The following SIPA1L3 variants were observed in gnomAD, a reference collection of about 807,000 sequenced individuals.
SIPA1L3 encodes signal-induced proliferation-associated 1-like protein 3.
In SIPA1L3, 59 loss-of-function variants were observed where a neutral mutation model predicts 150.1. The observed-to-expected ratio is 0.39, with a 90% CI of 0.32 to 0.49. The LOEUF is 0.49. SIPA1L3 is among the 20% of genes least tolerant of loss of function. The pLI, the probability that SIPA1L3 is intolerant of heterozygous loss-of-function variation, is 0.86. For missense variants in SIPA1L3, 2,211 were observed against 2,489.5 expected (o/e 0.89, Z 2.38); for synonymous variants, 1,070 against 1,077.6 (o/e 0.99, Z 0.14).
At chr19:38,117,097 A>G (rs1033931529) in intron 8 of SIPA1L3, among the ~76,000 whole-genome samples, 3 of 152,132 alleles carry the variant, frequency 2.0e-5, no homozygotes, top group Non-Finnish European at 2.9e-5. Context: ...AGAAGCCTCG[A>G]TGGGTTGAGA....
At position 38,182,499 on chromosome 19, in the gene SIPA1L3, CT is replaced by C; in HGVS notation, c.4209-17del. On this transcript the variant is annotated intron_variant, in intron 15 of 21. Transcript: ENST00000222345. ...GGAATGGATTTGGTTTTTTTTATCT[CT>C]TTCATTTTTGCTTTGCAGTGACATG... is the stretch of plus-strand genomic sequence containing the variant. 1 of 1,564,078 alleles carries C rather than the reference CT, an allele frequency of 6.4e-7. No homozygotes were observed. Among genetic ancestry groups the C allele is most frequent in the Non-Finnish European group, 8.7e-7 (1 of 1,149,204 alleles).
rs1568535652 is a variant in SIPA1L3 at position 38,077,665 on chromosome 19, T to TC, written c.-310-3591_-310-3590insC. Among the ~76,000 whole-genome samples the TC allele has an allele frequency of 6.0e-5, 4 of 66,832 alleles. 1 individual carries two copies. The highest frequency in any genetic ancestry group is 8.2e-5 in the African/African-American group (1 of 12,184). 43.8% of individuals were successfully genotyped at this position (66,832 alleles called of 152,430 possible). ...TTCTTTTTTCTTTTTCTTTTTCTTT[T>TC]TTTTTTTTTTTTTTTTTTTTTTTGA... On this transcript the variant is annotated intron_variant, in intron 2 of 21. Transcript: ENST00000222345.
chr19:37,916,609 T>C (rs778358089), intron 1 of SIPA1L3, among the ~76,000 whole-genome samples: 2 of 151,474 alleles, frequency 1.3e-5, no homozygotes, highest in Non-Finnish European at 2.9e-5. Flanking sequence ...ACACTGACAG[T>C]ATAAAGTTGA....
chr19:38,116,857 AAATAAT>A (rs978175314), intron 8 of SIPA1L3, among the ~76,000 whole-genome samples: 3 of 152,140 alleles, frequency 2.0e-5, no homozygotes, highest in African/African-American at 4.8e-5. Context: ...CCATCTCAAA[AAATAAT>A]AATAATAGAA....
chr19:38,120,762 G>T (rs895491363), intron 9 of SIPA1L3, among the ~76,000 whole-genome samples: 1 of 152,208 alleles, frequency 6.6e-6, no homozygotes, highest in Non-Finnish European at 1.5e-5. Context: ...TGATAGCTTA[G>T]CTGCTGTCTG....
At chr19:38,196,540 AAGGAGGTCAAGGGCGGAGCG>A (rs1390883550) in intron 18 of SIPA1L3, among the ~76,000 whole-genome samples, 3 of 149,804 alleles carry the variant, frequency 2.0e-5, no homozygotes, top group Non-Finnish European at 4.4e-5. Context: ...AGGGCAGAGC[AAGGAGGTCAAGGGCGGAGCG>A]TGGAGGTCAA....
chr19:37,923,396 CAT>C (rs904386748), intron 1 of SIPA1L3, among the ~76,000 whole-genome samples: 6 of 152,358 alleles, frequency 3.9e-5, no homozygotes, highest in Non-Finnish European at 8.8e-5. Context: ...AACCTACACA[CAT>C]GTGACTGCCC....
At chr19:37,951,769 C>T (rs1432734889) in intron 1 of SIPA1L3, among the ~76,000 whole-genome samples, 10 of 151,696 alleles carry the variant, frequency 6.6e-5, no homozygotes, top group Non-Finnish European at 1.0e-4. Context: ...TGGTGGCGGG[C>T]GCCTGTAGTC....
chr19:38,146,748 G>A (rs114442942), intron 12 of SIPA1L3, among the ~76,000 whole-genome samples: 51 of 152,298 alleles, frequency 3.3e-4, no homozygotes, highest in African/African-American at 1.2e-3. Flanking sequence ...TTTCATTTTA[G>A]CTACTTTTGA....
intron 2 of SIPA1L3, among the ~76,000 whole-genome samples, chr19:38,055,314 C>T (rs1467134502): frequency 6.6e-6 from 1 of 152,228 alleles, no homozygotes. Flanking sequence ...AGGGAGCAGG[C>T]TCCTTCTGAC....
chr19:38,111,532 G>T (rs1177043473), intron 8 of SIPA1L3, among the ~76,000 whole-genome samples: 3 of 152,188 alleles, frequency 2.0e-5, no homozygotes, highest in Non-Finnish European at 4.4e-5. Context: ...AAATGGAGGT[G>T]CTGGAGCAGA....
chr19:38,155,954 G>A (rs1278688024), intron 13 of SIPA1L3, among the ~76,000 whole-genome samples: 1 of 151,944 alleles, frequency 6.6e-6, no homozygotes, highest in African/African-American at 2.4e-5. Context: ...GATGGTGCAT[G>A]CCTATAATCC....
intron 20 of SIPA1L3, 132 bp downstream of exon 20, chr19:38,202,129 C>A: frequency 1.3e-6 from 1 of 796,778 alleles, no homozygotes; most frequent in Non-Finnish European, 1.9e-6. Context: ...ATAGCAGCTA[C>A]TCCCCCCTCC....
intron 1 of SIPA1L3, among the ~76,000 whole-genome samples, chr19:37,977,023 G>T (rs1967093532): frequency 6.6e-6 from 1 of 151,762 alleles, no homozygotes; most frequent in African/African-American, 2.4e-5. Context: ...TTTTTATAGA[G>T]ACAGGGTCTT....
intron 1 of SIPA1L3, among the ~76,000 whole-genome samples, chr19:37,995,103 C>T (rs1344309807): frequency 6.6e-6 from 1 of 152,070 alleles, no homozygotes; most frequent in African/African-American, 2.4e-5. Context: ...CGTGCCTTTC[C>T]GTTTGAAAGA....
At chr19:38,010,463 C>T (rs1225698721) in intron 1 of SIPA1L3, among the ~76,000 whole-genome samples, 2 of 150,246 alleles carry the variant, frequency 1.3e-5, no homozygotes, top group African/African-American at 4.9e-5. Flanking sequence ...GTAATCCCAG[C>T]ACTTTGGGAG....
chr19:38,065,019 TA>T (rs1969540329), intron 2 of SIPA1L3, among the ~76,000 whole-genome samples: 1 of 152,260 alleles, frequency 6.6e-6, no homozygotes, highest in South Asian at 2.1e-4. Context: ...TTCACCCATT[TA>T]TTTTTTTAAA....
Position 38,106,537 on chromosome 19 carries a change from C to T in SIPA1L3, c.2030C>T (p.Thr677Ile). 1.2e-6 allele frequency: 2 copies of T among 1,607,886 alleles called. No homozygotes were observed. Among genetic ancestry groups the T allele is most frequent in the Non-Finnish European group, 1.7e-6 (2 of 1,174,876 alleles). The part of the protein sequence containing the change: ...TKYAAQLDVK[T>I]DSTGTHSLYT... ...GTCCTAACTGGCATTTCTGTTTCAGCCGACTCCACGGGAACCCACTCCCTC... is the reference window on the plus strand; with the variant it reads ...GTCCTAACTGGCATTTCTGTTTCAGTCGACTCCACGGGAACCCACTCCCTC... The change falls in exon 7 of 22, where the codon ACC becomes ATC. Residue 677 changes from threonine (T) to isoleucine (I), a missense_variant and splice_region_variant. This residue lies in a region of SIPA1L3 where 625 missense variants were observed against 804.2 expected (regional missense o/e 0.78). Transcript: ENST00000222345.
intron 12 of SIPA1L3, among the ~76,000 whole-genome samples, chr19:38,144,930 T>G (rs933303392): frequency 2.0e-5 from 3 of 152,024 alleles, no homozygotes; most frequent in African/African-American, 7.2e-5. Flanking sequence ...AGAGAAAAAG[T>G]CATTCCAAAC....
Sources: allele counts gnomAD v4.1 joint callset (sites outside exome capture counted in the v4.1 genomes callset), GRCh38; gene constraint gnomAD v4.1.1; regional missense constraint gnomAD v4.1.1; transcripts MANE v1.5; gene names NCBI Gene and HGNC (gene_info 2026-07-23, HGNC 2026-07-21).